The following ABCA9 variants were observed in gnomAD, a reference collection of about 807,000 sequenced individuals.
ABCA9 encodes the protein ATP-binding cassette sub-family A member 9.
A neutral mutation model predicts 205.3 loss-of-function variants in ABCA9; 183 were observed. The ratio of observed to expected loss-of-function variants is 0.89; its 90% CI spans 0.79 to 1.01. The LOEUF is 1.01. Ranked by LOEUF, ABCA9 falls within the 50% of genes least tolerant of loss-of-function variation. ABCA9 has a pLI of 0.00. For synonymous variants in ABCA9, 651 were observed against 683.3 expected, an observed-to-expected ratio of 0.95 and a Z score of 0.74; for missense variants, 1,805 against 1,912.4, an observed-to-expected ratio of 0.94 and a Z score of 1.05.
At chr17:69,047,588 T>C (rs1447334867) in intron 3 of ABCA9, among the ~76,000 whole-genome samples, 1 of 152,108 alleles carries the variant, frequency 6.6e-6, no homozygotes, top group Non-Finnish European at 1.5e-5. Flanking sequence ...CAAGTTCTTA[T>C]CAGTCTCTGC....
chr17:69,025,822 T>A lies in ABCA9; in HGVS notation c.2141+555A>T, dbSNP rs192273747. On this transcript the variant is annotated intron_variant, in intron 16 of 38. Transcript: ENST00000340001. ...CTATCTGAAGTGGTATTTTCACTTGTCAAAGGGGAATAACAATAGTATCTT... is the reference window on the plus strand; with the variant it reads ...CTATCTGAAGTGGTATTTTCACTTGACAAAGGGGAATAACAATAGTATCTT... 2.0e-5 allele frequency among the ~76,000 whole-genome samples: 3 copies of A among 152,266 alleles called. No individual in the cohort carries two copies. The East Asian group carries it at 5.8e-4, about 29-fold the overall frequency.
At position 69,029,200 on chromosome 17, in the gene ABCA9, T is replaced by C; in HGVS notation, c.1473A>G (p.Ala491=). 2 of 1,560,744 alleles carry C rather than the reference T, an allele frequency of 1.3e-6. No homozygotes were observed. Among genetic ancestry groups the C allele is most frequent in the Non-Finnish European group, 1.7e-6 (2 of 1,142,904 alleles). ...AAGCTTCTACTCTCTCACACTTCCCTGCATATTCTTTTTTAAGATTTTTGA... is the reference window on the plus strand; with the variant it reads ...AAGCTTCTACTCTCTCACACTTCCCCGCATATTCTTTTTTAAGATTTTTGA... ...IRIKNLKKEY[A]GKCERVEALK... The change falls in exon 11 of 39, where the codon GCA becomes GCG. Residue 491 remains alanine, a synonymous_variant. Transcript: ENST00000340001.
chr17:69,005,267 T>C (rs759479057), intron 25 of ABCA9, among the ~76,000 whole-genome samples: 4 of 152,172 alleles, frequency 2.6e-5, no homozygotes, highest in Non-Finnish European at 5.9e-5. Flanking sequence ...TGTGTAGCCT[T>C]ATTGCTTTCT....
chr17:69,038,796 A>G (rs867508415), intron 6 of ABCA9, among the ~76,000 whole-genome samples: 47 of 152,312 alleles, frequency 3.1e-4, no homozygotes, highest in African/African-American at 1.1e-3. Flanking sequence ...TGCAGACAAC[A>G]TGATTGTATA....
the ABCA9 span, among the ~76,000 whole-genome samples, chr17:69,072,448 T>A: frequency 6.6e-6 from 1 of 152,108 alleles, no homozygotes; most frequent in Admixed American, 6.5e-5. Context: ...TATTCAACAT[T>A]CTTAAAGAAA....
chr17:68,989,252 TCTCTCA>T, intron 30 of ABCA9, 134 bp from the exon 31 acceptor site: 1 of 440,260 alleles, frequency 2.3e-6, no homozygotes, highest in East Asian at 3.3e-5. Context: ...CCTCTCTCTC[TCTCTCA>T]CACACACACA....
intron 10 of ABCA9, among the ~76,000 whole-genome samples, chr17:69,031,799 G>A (rs2071158971): frequency 6.6e-6 from 1 of 152,166 alleles, no homozygotes; most frequent in East Asian, 1.9e-4. Context: ...TTGTCACAAA[G>A]AGAACAACTC....
At chr17:69,002,070 T>G (rs2069896417) in intron 25 of ABCA9, among the ~76,000 whole-genome samples, 1 of 151,526 alleles carries the variant, frequency 6.6e-6, no homozygotes, top group African/African-American at 2.4e-5. Context: ...AAAAACCAGC[T>G]CCTGGATTCA....
chr17:69,018,654 GAATAT>G, intron 19 of ABCA9, 75 bp from the exon 20 acceptor site: 2 of 1,083,518 alleles, frequency 1.8e-6, no homozygotes, highest in African/African-American at 1.7e-5. Flanking sequence ...AAGGTATAAT[GAATAT>G]AATAACAGAA....
rs1343053928 is a variant in ABCA9 at position 69,049,394 on chromosome 17, G to C, written c.193C>G (p.Leu65Val). The C allele has an allele frequency of 3.1e-6, 5 of 1,612,970 alleles. No homozygotes were observed. The highest frequency in any genetic ancestry group is 1.3e-5 in the African/African-American group (1 of 74,956). ...TCATTAAAACTATCTACACGTCCCAGATCCATTGAAGACATTTGAGGAGTG... is the reference window on the plus strand; with the variant it reads ...TCATTAAAACTATCTACACGTCCCACATCCATTGAAGACATTTGAGGAGTG... ...HDTPQMSSMD[L>V]GRVDSFNDTN... Residue 65 changes from leucine (L) to valine (V), a missense_variant, in exon 3 of 39, where the codon CTG (leucine) becomes GTG (valine). Coordinates refer to ENST00000340001, the MANE Select transcript of ABCA9 (RefSeq NM_080283.4).
At chr17:69,065,312 T>C (rs937404302), upstream of ABCA9, among the ~76,000 whole-genome samples, 2 of 152,266 alleles carry the variant, frequency 1.3e-5, no homozygotes, top group African/African-American at 4.8e-5. Context: ...TTGAGCAATG[T>C]TGTCCTTGTG....
At chr17:69,052,494 G>A (rs1329364065) in intron 1 of ABCA9, among the ~76,000 whole-genome samples, 2 of 152,098 alleles carry the variant, frequency 1.3e-5, no homozygotes, top group African/African-American at 4.8e-5. Flanking sequence ...TATTAGACTA[G>A]GAATTTGAAA....
the ABCA9 span, among the ~76,000 whole-genome samples, chr17:69,073,702 G>C: frequency 6.6e-6 from 1 of 152,070 alleles, no homozygotes. Flanking sequence ...AGAGAAGCAA[G>C]AGCAAACAAA....
chr17:69,034,917 T>A (rs1442419627), intron 8 of ABCA9: 1 of 173,534 alleles, frequency 5.8e-6, no homozygotes, highest in African/African-American at 2.4e-5. Context: ...AATAAAGATA[T>A]ATTTATTCCA....
intron 10 of ABCA9, among the ~76,000 whole-genome samples, chr17:69,031,499 A>C (rs914957300): frequency 6.6e-6 from 1 of 152,240 alleles, no homozygotes; most frequent in African/African-American, 2.4e-5. Flanking sequence ...ATGATGAACA[A>C]AATTTGAGCA....
Position 69,043,522 on chromosome 17 carries a change from A to T in ABCA9, c.767T>A (p.Met256Lys). Reference protein sequence around the residue: ...TQERQYITSLMTMMGLRESAF... With the variant: ...TQERQYITSLKTMMGLRESAF... ...TGACTCTCGGAGTCCCATCATTGTC[A>T]TCAATGACGTAATGTATTGTCTTTC... is the stretch of plus-strand genomic sequence containing the variant. The change falls in exon 6 of 39, where the codon ATG (methionine) becomes AAG (lysine). Residue 256 changes from methionine to lysine, a missense_variant. Met to Lys is a moderately conservative substitution (Grantham distance 95). Transcript: ENST00000340001. 6.2e-7 allele frequency: 1 copy of T among 1,606,422 alleles called. No individual in the cohort carries two copies. Among genetic ancestry groups the T allele is most frequent in the South Asian group, 1.1e-5 (1 of 90,024 alleles).
chr17:69,065,615 T>C (rs2072339048), upstream of ABCA9, among the ~76,000 whole-genome samples: 1 of 152,206 alleles, frequency 6.6e-6, no homozygotes, highest in Non-Finnish European at 1.5e-5. Flanking sequence ...TTTGCTCTCC[T>C]GTAACTAACT....
chr17:69,047,099 T>C (rs2071744514), intron 3 of ABCA9, among the ~76,000 whole-genome samples: 2 of 151,126 alleles, frequency 1.3e-5, no homozygotes, highest in South Asian at 4.2e-4. Flanking sequence ...GTAGCTGAGA[T>C]TACAGGCACA....
chr17:69,053,586 G>A (rs1446904732), intron 1 of ABCA9, among the ~76,000 whole-genome samples: 1 of 152,056 alleles, frequency 6.6e-6, no homozygotes, highest in Admixed American at 6.6e-5. Flanking sequence ...TCTTTGATGA[G>A]CTTATTAGTA....
Sources: gnomAD v4.1 joint callset for allele counts (sites outside exome capture counted in the v4.1 genomes callset) on GRCh38, gnomAD v4.1.1 for gene constraint, MANE v1.5 for transcripts, NCBI Gene and HGNC (gene_info 2026-07-23, HGNC 2026-07-21) for gene names.